The following CHL1 variants were observed in gnomAD, a reference collection of about 807,000 sequenced individuals.
CHL1 encodes cell adhesion molecule L1 like.
In CHL1, 96 loss-of-function variants were observed where a neutral mutation model predicts 141.9. That is an observed-to-expected ratio of 0.68 (90% CI 0.57 to 0.80). The LOEUF (loss-of-function observed/expected upper bound fraction) is 0.80, where lower values mean the gene tolerates loss of function less well. CHL1 is among the 30% of genes least tolerant of loss of function. The probability of loss-of-function intolerance (pLI) is 0.00; values close to 1 mark genes in which losing one functional copy is unlikely to be tolerated. For synonymous variants in CHL1, 613 were observed against 502.2 expected (o/e 1.22, Z -2.95); for missense variants, 1,820 against 1,457.2 (o/e 1.25, Z -4.05).
At position 408,619 on chromosome 3, in the gene CHL1, C is replaced by T. The variant is rs990693417; in HGVS notation, c.*2908C>T. On this transcript the variant is annotated 3_prime_UTR_variant, in exon 28 of 28. Transcript: ENST00000256509. ...TCTGAAAGTCACCCCCACATACCAACTCAACTTTTTTCCTGTGAACACATA... is the reference window on the plus strand; with the variant it reads ...TCTGAAAGTCACCCCCACATACCAATTCAACTTTTTTCCTGTGAACACATA... The T allele has an allele frequency of 1.3e-5, 2 of 152,080 alleles. No individual in the cohort carries two copies. The highest frequency in any genetic ancestry group is 2.9e-5 in the Non-Finnish European group (2 of 68,006). 9.4% of individuals were successfully genotyped at this position (152,080 alleles called of 1,614,324 possible).
At chr3:347,583 G>A (rs567833196) in intron 9 of CHL1, among the ~76,000 whole-genome samples, 4 of 152,256 alleles carry the variant, frequency 2.6e-5, no homozygotes, top group East Asian at 1.9e-4. Flanking sequence ...TAGGGAGTCC[G>A]GGAGATCTTG....
At chr3:271,067 T>TTGTGGACATGTTTTAAATCTATCACCC (rs1695593518) in intron 2 of CHL1, among the ~76,000 whole-genome samples, 1 of 152,170 alleles carries the variant, frequency 6.6e-6, no homozygotes, top group East Asian at 1.9e-4. Flanking sequence ...GTCAAAGAGT[T>TTGTGGACATGTTTTAAATCTATCACCC]TGTGGACATG....
At chr3:404,366 T>C (rs2106438718) in intron 27 of CHL1, among the ~76,000 whole-genome samples, 1 of 152,284 alleles carries the variant, frequency 6.6e-6, no homozygotes, top group East Asian at 1.9e-4. Flanking sequence ...GATATGTACA[T>C]CCAAATTATA....
At chr3:282,514 G>A (rs1046656850) in intron 2 of CHL1, among the ~76,000 whole-genome samples, 2 of 151,990 alleles carry the variant, frequency 1.3e-5, no homozygotes, top group African/African-American at 2.4e-5. Context: ...AACATTTTTG[G>A]CAGTGCAGGA....
At chr3:369,009 G>C (rs1705266555) in intron 15 of CHL1, among the ~76,000 whole-genome samples, 1 of 152,190 alleles carries the variant, frequency 6.6e-6, no homozygotes, top group Non-Finnish European at 1.5e-5. Context: ...TTGTAGTGTA[G>C]TTTGAAGTCA....
intron 2 of CHL1, among the ~76,000 whole-genome samples, chr3:317,737 A>G (rs1700253476): frequency 6.6e-6 from 1 of 151,404 alleles, no homozygotes; most frequent in Non-Finnish European, 1.5e-5. Context: ...AATAATAGCT[A>G]CATGGTTTAA....
At chr3:303,099 A>G (rs962088732) in intron 2 of CHL1, among the ~76,000 whole-genome samples, 1 of 152,102 alleles carries the variant, frequency 6.6e-6, no homozygotes, top group African/African-American at 2.4e-5. Context: ...CCACTGGTCT[A>G]TATATCTGTT....
intron 3 of CHL1, among the ~76,000 whole-genome samples, chr3:320,671 C>G (rs1400381379): frequency 1.3e-5 from 2 of 151,756 alleles, no homozygotes; most frequent in South Asian, 2.1e-4. Context: ...GCACGCCAAC[C>G]TGGACAATAT....
At chr3:259,766 A>G (rs952916151) in intron 2 of CHL1, among the ~76,000 whole-genome samples, 2 of 152,182 alleles carry the variant, frequency 1.3e-5, no homozygotes, top group African/African-American at 4.8e-5. Context: ...ACAATTGAAT[A>G]ATAAGTAAAA....
intron 19 of CHL1, 118 bp downstream of exon 19, chr3:384,004 T>C: frequency 3.2e-6 from 2 of 625,180 alleles, no homozygotes; most frequent in Non-Finnish European, 5.5e-6. Context: ...GATTTGGAAA[T>C]GAAATTAACT....
chr3:224,398 G>A (rs1031212921), intron 1 of CHL1, among the ~76,000 whole-genome samples: 2 of 152,106 alleles, frequency 1.3e-5, no homozygotes, highest in African/African-American at 4.8e-5. Context: ...GTAATCCCCA[G>A]TGTTCGAGAT....
intron 19 of CHL1, among the ~76,000 whole-genome samples, chr3:387,022 C>G (rs1043859690): frequency 6.6e-6 from 1 of 152,028 alleles, no homozygotes; most frequent in Non-Finnish European, 1.5e-5. Context: ...ATTTTTGTTT[C>G]TCAAGAATAA....
chr3:402,534 A>G (rs1011212015), intron 27 of CHL1, among the ~76,000 whole-genome samples: 6 of 152,084 alleles, frequency 3.9e-5, no homozygotes, highest in African/African-American at 1.4e-4. Flanking sequence ...CCAGGTTTGT[A>G]TTGATTTTAG....
At chr3:303,877 T>G (rs1432629903) in intron 2 of CHL1, among the ~76,000 whole-genome samples, 1 of 152,276 alleles carries the variant, frequency 6.6e-6, no homozygotes, top group Admixed American at 6.5e-5. Context: ...TAAATAGCTC[T>G]TATTATTTTG....
chr3:242,360 G>T lies in CHL1; in HGVS notation c.-174-2253G>T, dbSNP rs554031469. The stretch of plus-strand genomic sequence containing the variant: ...GCCTGTAATCCCAGCACTTTGGGAG[G>T]CTGAGGGGGGCAGATCACGAGGTCA... On this transcript the variant is annotated intron_variant, in intron 1 of 27. Transcript: ENST00000256509. Among the ~76,000 whole-genome samples, 27 of 147,484 alleles carry T rather than the reference G, an allele frequency of 1.8e-4. 2 individuals carry two copies. The highest frequency in any genetic ancestry group is 3.3e-4 in the Non-Finnish European group (22 of 66,630).
At chr3:265,577 G>A (rs922407192) in intron 2 of CHL1, among the ~76,000 whole-genome samples, 9 of 152,100 alleles carry the variant, frequency 5.9e-5, no homozygotes, top group African/African-American at 2.2e-4. Context: ...AGTTCCAATG[G>A]GGGATGATAT....
intron 1 of CHL1, among the ~76,000 whole-genome samples, chr3:242,377 A>T (rs1178735457): frequency 6.9e-6 from 1 of 144,040 alleles, no homozygotes; most frequent in Non-Finnish European, 1.5e-5. Context: ...GGGGCAGATC[A>T]CGAGGTCAGG....
chr3:401,541 T>C, intron 26 of CHL1, 85 bp from the exon 27 acceptor site: 1 of 762,516 alleles, frequency 1.3e-6, no homozygotes, highest in East Asian at 2.6e-5. Flanking sequence ...CTGTTCTTAC[T>C]GACTATTAAC....
rs910820213 is a variant in CHL1 at position 390,903 on chromosome 3, G to C, written c.2587-52G>C. ...AGAATTGATTTCAGAAGAAGTCAAA[G>C]AGAATCTGCGACCACAATGGATATA... On this transcript the variant is annotated intron_variant, in intron 21 of 27. Coordinates refer to ENST00000256509, the MANE Select transcript of CHL1 (RefSeq NM_006614.4). The C allele has an allele frequency of 3.9e-6, 6 of 1,548,560 alleles. No individual in the cohort carries two copies. The Admixed American group carries it at 8.4e-5, about 22-fold the overall frequency.
Sources: gnomAD v4.1 joint callset for allele counts (sites outside exome capture counted in the v4.1 genomes callset) on GRCh38, gnomAD v4.1.1 for gene constraint, MANE v1.5 for transcripts, NCBI Gene and HGNC (gene_info 2026-07-23, HGNC 2026-07-21) for gene names.